FANCA: variants seen among roughly 807,000 people sequenced by gnomAD.
FANCA encodes the protein FA complementation group A, also known as Fanconi anemia group A protein.
A neutral mutation model predicts 194.3 loss-of-function variants in FANCA; 236 were observed. The observed-to-expected ratio is 1.21, with a 90% CI of 1.09 to 1.35. The LOEUF (loss-of-function observed/expected upper bound fraction) is 1.35, where lower values mean the gene tolerates loss of function less well. FANCA is among the 40% of genes most tolerant of loss of function. The probability of loss-of-function intolerance (pLI) is 0.00; values close to 1 mark genes in which losing one functional copy is unlikely to be tolerated. For missense variants in FANCA, 2,628 were observed against 1,813.9 expected, an observed-to-expected ratio of 1.45 and a Z score of -8.15; for synonymous variants, 1,014 against 715.8, an observed-to-expected ratio of 1.42 and a Z score of -6.65.
intron 17 of FANCA, among the ~76,000 whole-genome samples, chr16:89,781,836 A>G (rs1353866228): frequency 1.3e-5 from 2 of 150,160 alleles, no homozygotes; most frequent in Admixed American, 1.3e-4. Flanking sequence ...CATCTCTACT[A>G]AAAATATACA....
rs755159300 is a variant in FANCA, at chr16:89,778,887, G to A, written c.1777-37C>T. 3.1e-6 allele frequency: 5 copies of A among 1,613,874 alleles called. No individual in the cohort carries two copies. The South Asian group carries it at 4.4e-5, about 14-fold the overall frequency. ...GAAGAGACCTGTGAGAGACTGACAA[G>A]GAAAGTCCTTGCTTTCTACACAACT... On this transcript the variant is annotated intron_variant, in intron 19 of 42. Coordinates refer to ENST00000389301, the MANE Select transcript of FANCA (RefSeq NM_000135.4).
At chr16:89,756,422 A>C (rs2143205153) in intron 30 of FANCA, among the ~76,000 whole-genome samples, 1 of 152,286 alleles carries the variant, frequency 6.6e-6, no homozygotes, top group South Asian at 2.1e-4. Context: ...TGAGGTCAGA[A>C]GTTCAAGACC....
chr16:89,738,024 C>T lies in FANCA; in HGVS notation c.*577G>A. ...GCAGGCAGCGGGCATCCCTCAAGTA[C>T]CACATGACCAAACACAAGGCTGAGA... On this transcript the variant is annotated 3_prime_UTR_variant, in exon 43 of 43. Coordinates refer to ENST00000389301, the MANE Select transcript of FANCA (RefSeq NM_000135.4). 1.2e-6 allele frequency: 2 copies of T among 1,614,154 alleles called. No homozygotes were observed. The highest frequency in any genetic ancestry group is 1.1e-5 in the South Asian group (1 of 91,088).
chr16:89,790,564 A>C (rs2040036214), intron 14 of FANCA, among the ~76,000 whole-genome samples: 2 of 151,912 alleles, frequency 1.3e-5, no homozygotes, highest in Non-Finnish European at 2.9e-5. Flanking sequence ...CCCCGTCTCT[A>C]CTAAAAATAC....
At chr16:89,745,267 A>G (rs1029335868) in intron 35 of FANCA, among the ~76,000 whole-genome samples, 196 bp from the exon 36 acceptor site, 1 of 152,068 alleles carries the variant, frequency 6.6e-6, no homozygotes, top group Non-Finnish European at 1.5e-5. Flanking sequence ...TATTACCCAC[A>G]CTCATGGAAG....
At chr16:89,802,641 G>A (rs2040496451) in intron 8 of FANCA, among the ~76,000 whole-genome samples, 2 of 151,730 alleles carry the variant, frequency 1.3e-5, no homozygotes, top group South Asian at 4.2e-4. Flanking sequence ...CTGACCTTGT[G>A]ATCCGCCCGC....
chr16:89,782,947 GA>G (rs750246883), intron 16 of FANCA, 29 bp from the exon 17 acceptor site: 1 of 1,613,512 alleles, frequency 6.2e-7, no homozygotes, highest in Non-Finnish European at 8.5e-7. Flanking sequence ...ATGAGAACAA[GA>G]AAACAAAGCA....
At chr16:89,750,609 T>C (rs62054611) in intron 31 of FANCA, among the ~76,000 whole-genome samples, 9,036 of 149,566 alleles carry the variant, frequency 0.06, 415 homozygotes, top group East Asian at 0.22. Flanking sequence ...GCCAACAAAA[T>C]TAGCCATACA....
intron 37 of FANCA, among the ~76,000 whole-genome samples, chr16:89,742,246 G>C (rs2062151555): frequency 6.6e-6 from 1 of 152,004 alleles, no homozygotes; most frequent in East Asian, 1.9e-4. Context: ...CTAAGTGTTG[G>C]GATTACAGGC....
chr16:89,753,411 GC>G (rs1490566552), intron 30 of FANCA, among the ~76,000 whole-genome samples: 1 of 152,070 alleles, frequency 6.6e-6, no homozygotes, highest in Non-Finnish European at 1.5e-5. Flanking sequence ...CTCTCTCATC[GC>G]CGCACACAGG....
intron 30 of FANCA, 40 bp downstream of exon 30, chr16:89,758,537 T>C (rs1050729802): frequency 1.9e-6 from 3 of 1,608,094 alleles, no homozygotes. Context: ...CTATTAGTCC[T>C]GTCCCTCCAG....
rs752126515 is a variant in FANCA at position 89,742,812 on chromosome 16, G to A, written c.3753C>T (p.Cys1251=). ...NIRKQLKKLD[C]EREELLVFLF... The stretch of plus-strand genomic sequence containing the variant: ...TTTCCTATCTTGCCTCCTCTCTCTC[G>A]CAGTCCAGCTTCTTTAGCTGCTTCC... Residue 1251 remains cysteine, a synonymous_variant, in exon 37 of 43, where the codon TGC becomes TGT. Coordinates refer to ENST00000389301, the MANE Select transcript of FANCA (RefSeq NM_000135.4). 9 of 1,614,034 alleles carry A rather than the reference G, an allele frequency of 5.6e-6. No individual in the cohort carries two copies. The highest frequency in any genetic ancestry group is 2.2e-5 in the East Asian group (1 of 44,882).
chr16:89,779,076 G>A (rs573808888), intron 18 of FANCA, 73 bp from the exon 19 acceptor site: 1 of 1,419,574 alleles, frequency 7.0e-7, no homozygotes, highest in South Asian at 1.2e-5. Context: ...GGTGACCGGT[G>A]TTTCAGAGAG....
chr16:89,766,631 C>T (rs1448485575), intron 27 of FANCA, among the ~76,000 whole-genome samples: 2 of 152,018 alleles, frequency 1.3e-5, no homozygotes, highest in African/African-American at 2.4e-5. Context: ...AGGAGAACTG[C>T]CTGAACCCGG....
chr16:89,749,556 C>G (rs999118813), intron 32 of FANCA, among the ~76,000 whole-genome samples, 174 bp downstream of exon 32: 3 of 152,192 alleles, frequency 2.0e-5, no homozygotes, highest in Non-Finnish European at 4.4e-5. Flanking sequence ...TACTTTCAAC[C>G]CTCCAGATCC....
Position 89,815,978 on chromosome 16 carries a change from C to A in FANCA, c.88G>T (p.Val30Phe), listed in dbSNP as rs1160471115. 3.7e-6 allele frequency: 6 copies of A among 1,613,202 alleles called. No individual in the cohort carries two copies. Among genetic ancestry groups the A allele is most frequent in the African/African-American group, 2.7e-5 (2 of 75,038 alleles). The change falls in exon 2 of 43, where the codon GTC becomes TTC. Residue 30 changes from valine (V) to phenylalanine (F), a missense_variant. Coordinates refer to ENST00000389301, the MANE Select transcript of FANCA (RefSeq NM_000135.4). ...RAWAELLAGR[V>F]KREKYNPERA... ...TCAGGATTATATTTTTCCCTCTTGA[C>A]CCTTCCCGCTACGGAGAGAAGTCGG...
intron 8 of FANCA, among the ~76,000 whole-genome samples, chr16:89,802,699 G>A (rs576656973): frequency 3.9e-5 from 6 of 152,126 alleles, no homozygotes; most frequent in Non-Finnish European, 5.9e-5. Flanking sequence ...CACCATGCCC[G>A]GCCAGCTATT....
At chr16:89,772,394 C>T (rs2039356300) in intron 22 of FANCA, among the ~76,000 whole-genome samples, 1 of 152,234 alleles carries the variant, frequency 6.6e-6, no homozygotes, top group Admixed American at 6.5e-5. Flanking sequence ...GGCGCTGCAG[C>T]CCCAGCTAGC....
At chr16:89,805,937 A>G (rs1449373577) in intron 6 of FANCA, among the ~76,000 whole-genome samples, 2 of 149,392 alleles carry the variant, frequency 1.3e-5, no homozygotes, top group Admixed American at 1.3e-4. Flanking sequence ...CTCTTGAAAC[A>G]GTTTTGCTCT....
Sources: allele counts gnomAD v4.1 joint callset (sites outside exome capture counted in the v4.1 genomes callset), GRCh38; gene constraint gnomAD v4.1.1; transcripts MANE v1.5; gene names NCBI Gene and HGNC (gene_info 2026-07-23, HGNC 2026-07-21).